COL11A1: variants seen among roughly 807,000 people sequenced by gnomAD.
COL11A1 encodes collagen alpha-1(XI) chain.
Under a neutral mutation model 265.2 loss-of-function variants are expected in COL11A1, and 74 were observed. The observed-to-expected ratio is 0.28, with a 90% confidence interval of 0.23 to 0.34. The LOEUF (loss-of-function observed/expected upper bound fraction) is 0.34, where lower values mean the gene tolerates loss of function less well. Ranked by LOEUF, COL11A1 falls within the 10% of genes least tolerant of loss-of-function variation. The probability of loss-of-function intolerance (pLI) is 1.00; values close to 1 mark genes in which losing one functional copy is unlikely to be tolerated. For missense variants in COL11A1, 2,165 were observed against 2,263.6 expected (o/e 0.96, Z 0.88); for synonymous variants, 816 against 727.6 (o/e 1.12, Z -1.96).
intron 37 of COL11A1, among the ~76,000 whole-genome samples, chr1:102,969,283 A>AT (rs898779344): frequency 2.0e-5 from 3 of 152,132 alleles, no homozygotes; most frequent in Admixed American, 6.5e-5. Context: ...GAAAAATCAT[A>AT]TTTTTTTCAG....
At chr1:103,068,110 C>G (rs192880528) in intron 4 of COL11A1, among the ~76,000 whole-genome samples, 1 of 151,410 alleles carries the variant, frequency 6.6e-6, no homozygotes, top group Admixed American at 6.6e-5. Flanking sequence ...CAGTATAACC[C>G]TATCAAAACC....
chr1:102,951,430 G>T (rs72683280), intron 41 of COL11A1, among the ~76,000 whole-genome samples: 5 of 152,334 alleles, frequency 3.3e-5, no homozygotes, highest in Non-Finnish European at 7.4e-5. Context: ...GGGAGTGGTG[G>T]CTCACACCTG....
chr1:103,051,748 C>T (rs934476531), intron 4 of COL11A1, among the ~76,000 whole-genome samples: 1 of 152,146 alleles, frequency 6.6e-6, no homozygotes, highest in African/African-American at 2.4e-5. Context: ...CTTGGCTCCT[C>T]CCTATATCAA....
intron 4 of COL11A1, among the ~76,000 whole-genome samples, chr1:103,042,600 G>A (rs1048583106): frequency 5.3e-5 from 8 of 152,022 alleles, no homozygotes; most frequent in African/African-American, 1.9e-4. Flanking sequence ...AAGGGAAAAA[G>A]GTTGGCATTG....
At chr1:102,908,708 C>T (rs1654287745) in intron 54 of COL11A1, among the ~76,000 whole-genome samples, 1 of 151,892 alleles carries the variant, frequency 6.6e-6, no homozygotes, top group Non-Finnish European at 1.5e-5. Flanking sequence ...TGGTCTTTTT[C>T]TTCAATGAGA....
intron 4 of COL11A1, among the ~76,000 whole-genome samples, chr1:103,047,954 C>T (rs986355830): frequency 5.3e-5 from 8 of 152,092 alleles, no homozygotes; most frequent in South Asian, 4.2e-4. Context: ...GGATGAAGCC[C>T]ACTTGATCAT....
intron 46 of COL11A1, among the ~76,000 whole-genome samples, chr1:102,931,689 G>A (rs568341790): frequency 1.3e-5 from 2 of 152,050 alleles, no homozygotes; most frequent in South Asian, 4.2e-4. Flanking sequence ...TGTTGACAGT[G>A]GGGTGTTAAA....
chr1:103,008,691 T>C (rs1665857765), intron 14 of COL11A1, among the ~76,000 whole-genome samples, 175 bp from the exon 15 acceptor site: 1 of 152,256 alleles, frequency 6.6e-6, no homozygotes, highest in African/African-American at 2.4e-5. Context: ...AATATATCTC[T>C]TCTCAATGTT....
intron 21 of COL11A1, 67 bp from the exon 22 acceptor site, chr1:103,002,858 A>T: frequency 7.1e-7 from 1 of 1,410,756 alleles, no homozygotes; most frequent in Non-Finnish European, 1.0e-6. Context: ...AATCAAAAAG[A>T]CTAATCTAAT....
chr1:102,978,610 T>A, intron 35 of COL11A1, 98 bp downstream of exon 35: 1 of 1,279,492 alleles, frequency 7.8e-7, no homozygotes, highest in Non-Finnish European at 1.1e-6. Flanking sequence ...TGGATAGACA[T>A]GCACATGTAT....
chr1:102,950,701 A>G (rs977082690), intron 41 of COL11A1, among the ~76,000 whole-genome samples: 2 of 152,182 alleles, frequency 1.3e-5, no homozygotes, highest in Non-Finnish European at 2.9e-5. Flanking sequence ...GTCTTTTCCT[A>G]TACTACTAAA....
chr1:103,014,734 G>C, intron 12 of COL11A1, 140 bp from the exon 13 acceptor site: 1 of 724,946 alleles, frequency 1.4e-6, no homozygotes, highest in Non-Finnish European at 2.4e-6. Context: ...AATGAATCAT[G>C]AGATCTAGTT....
At chr1:103,093,467 G>A (rs987000919) in intron 1 of COL11A1, among the ~76,000 whole-genome samples, 2 of 152,062 alleles carry the variant, frequency 1.3e-5, no homozygotes, top group African/African-American at 2.4e-5. Context: ...ATATTTATTA[G>A]TAAGAAAGAA....
At chr1:103,044,733 A>G (rs904696645) in intron 4 of COL11A1, among the ~76,000 whole-genome samples, 5 of 152,142 alleles carry the variant, frequency 3.3e-5, no homozygotes, top group Admixed American at 3.3e-4. Context: ...CATTCACTAA[A>G]AAATACTAGT....
intron 4 of COL11A1, among the ~76,000 whole-genome samples, chr1:103,072,409 G>A (rs1671664761): frequency 6.6e-6 from 1 of 151,818 alleles, no homozygotes; most frequent in African/African-American, 2.4e-5. Context: ...TCAGACTAAT[G>A]AATCACTGGT....
chr1:102,949,281 C>G (rs547060536), intron 41 of COL11A1, among the ~76,000 whole-genome samples: 3 of 150,612 alleles, frequency 2.0e-5, no homozygotes, highest in East Asian at 1.9e-4. Flanking sequence ...TATTTCACTT[C>G]TAACCCTCAC....
At position 102,984,260 on chromosome 1, in the gene COL11A1, T is replaced by A. The variant is rs540289514; in HGVS notation, c.2503-69A>T. 84 of 1,052,668 alleles carry A rather than the reference T, an allele frequency of 8.0e-5. 1 individual carries two copies. In the Admixed American group the frequency reaches 1.4e-3, roughly 18 times the overall value. The allele number at this position is 1,052,668 out of a possible 1,614,324, so 65.2% of individuals were successfully genotyped here. On this transcript the variant is annotated intron_variant, in intron 30 of 66. Coordinates refer to ENST00000370096, the MANE Select transcript of COL11A1 (RefSeq NM_001854.4). ...AATTAAGCTTAAATAATGATTTCAATTTTTTTTAAATATTAGAATCACATA... is the reference window on the plus strand; with the variant it reads ...AATTAAGCTTAAATAATGATTTCAAATTTTTTTAAATATTAGAATCACATA...
intron 41 of COL11A1, among the ~76,000 whole-genome samples, chr1:102,948,210 A>G (rs756203765): frequency 6.6e-6 from 1 of 152,112 alleles, no homozygotes; most frequent in Non-Finnish European, 1.5e-5. Flanking sequence ...ATAATGCTTT[A>G]CAATTCACAA....
chr1:103,078,539 CATTT>C (rs1421232842), intron 3 of COL11A1, 115 bp downstream of exon 3: 9 of 893,360 alleles, frequency 1.0e-5, no homozygotes, highest in Admixed American at 6.5e-5. Flanking sequence ...ATTTTTTGCT[CATTT>C]ATTTATCACC....
Sources: gnomAD v4.1 joint callset for allele counts (sites outside exome capture counted in the v4.1 genomes callset) on GRCh38, gnomAD v4.1.1 for gene constraint, MANE v1.5 for transcripts, NCBI Gene and HGNC (gene_info 2026-07-23, HGNC 2026-07-21) for gene names.